The following MAN2A1 variants were observed in gnomAD, a reference collection of about 807,000 sequenced individuals.
The protein encoded by MAN2A1 is mannosidase alpha class 2A member 1, also known as alpha-mannosidase 2.
Under a neutral mutation model 142.6 loss-of-function variants are expected in MAN2A1, and 76 were observed. That is an observed-to-expected ratio of 0.53 (90% CI 0.44 to 0.65). MAN2A1 has a LOEUF of 0.65. Among genes scored for constraint, MAN2A1 ranks in the 30% least tolerant of loss-of-function variants. The pLI is 0.00. For synonymous variants in MAN2A1, 559 were observed against 473.2 expected (o/e 1.18, Z -2.35); for missense variants, 1,311 against 1,365.1 (o/e 0.96, Z 0.62).
rs1033669334 is a variant in MAN2A1 at position 109,756,236 on chromosome 5, A to T, written c.835+780A>T. On this transcript the variant is annotated intron_variant, in intron 5 of 21. Transcript: ENST00000261483. Reference sequence around the variant, plus strand: ...AGTTCAACAGAATAATTCTGTTGCTACAAGAAATGGGAAAAAAGATGCTAG... The same window carrying T: ...AGTTCAACAGAATAATTCTGTTGCTTCAAGAAATGGGAAAAAAGATGCTAG... Among the ~76,000 whole-genome samples the T allele has an allele frequency of 4.6e-5, 7 of 152,168 alleles. No homozygotes were observed. The South Asian group carries it at 1.4e-3, about 31-fold the overall frequency.
In MAN2A1 at chr5:109,823,425, G is replaced by A. The variant is rs1490084974; in HGVS notation, c.2452-298G>A. Among the ~76,000 whole-genome samples the A allele has an allele frequency of 3.9e-5, 6 of 152,266 alleles. No individual in the cohort carries two copies. In the East Asian group the frequency reaches 1.2e-3, roughly 29 times the overall value. ...GTAGAATGATTGCTGTTTCTAATAA[G>A]TAACTATATGGACAAATAGAAGGAT... On this transcript the variant is annotated intron_variant, in intron 15 of 21. Transcript: ENST00000261483.
chr5:109,754,880 A>G (rs1752645452), intron 4 of MAN2A1, among the ~76,000 whole-genome samples: 2 of 152,174 alleles, frequency 1.3e-5, no homozygotes, highest in Admixed American at 1.3e-4. Flanking sequence ...GCATGCCTGT[A>G]ATCCCGGTTA....
At chr5:109,852,141 A>C (rs1755497357) in intron 19 of MAN2A1, among the ~76,000 whole-genome samples, 1 of 99,392 alleles carries the variant, frequency 1.0e-5, no homozygotes. Flanking sequence ...GTTGGCTTAA[A>C]AACAAAAAAA....
intron 18 of MAN2A1, among the ~76,000 whole-genome samples, 192 bp downstream of exon 18, chr5:109,846,198 A>C (rs1755340960): frequency 6.6e-6 from 1 of 152,200 alleles, no homozygotes; most frequent in Non-Finnish European, 1.5e-5. Flanking sequence ...GAATCTCCTA[A>C]ATCTTCAGAT....
At chr5:109,699,030 AC>A in intron 1 of MAN2A1, among the ~76,000 whole-genome samples, 1 of 152,174 alleles carries the variant, frequency 6.6e-6, no homozygotes, top group Non-Finnish European at 1.5e-5. Flanking sequence ...TTAACTCAAT[AC>A]CCCCTACTCT....
chr5:109,714,362 A>T (rs905937023), intron 2 of MAN2A1, among the ~76,000 whole-genome samples: 3 of 152,208 alleles, frequency 2.0e-5, no homozygotes, highest in African/African-American at 7.2e-5. Flanking sequence ...TGTGCAAGAT[A>T]TCTTAATTCA....
intron 1 of MAN2A1, among the ~76,000 whole-genome samples, chr5:109,701,969 G>A (rs1390464370): frequency 6.6e-6 from 1 of 152,202 alleles, no homozygotes; most frequent in East Asian, 1.9e-4. Flanking sequence ...TGAGAGATCA[G>A]GGAAGGGAGA....
At chr5:109,704,565 C>T (rs1751077673) in intron 1 of MAN2A1, among the ~76,000 whole-genome samples, 1 of 152,116 alleles carries the variant, frequency 6.6e-6, no homozygotes. Flanking sequence ...TCTTTTTGGC[C>T]TCAGCACTAC....
chr5:109,716,108 T>C lies in MAN2A1; in HGVS notation c.391-12T>C. ...TTGTTAAACTTTAATTTTTTTTCTTTTACATTTTTAGATGTTGGATGTTTA... is the reference window on the plus strand; with the variant it reads ...TTGTTAAACTTTAATTTTTTTTCTTCTACATTTTTAGATGTTGGATGTTTA... On this transcript the variant is annotated splice_polypyrimidine_tract_variant and intron_variant, in intron 2 of 21. Transcript: ENST00000261483. 1 of 1,573,506 alleles carries C rather than the reference T, an allele frequency of 6.4e-7. No homozygotes were observed. Among genetic ancestry groups the C allele is most frequent in the Non-Finnish European group, 8.6e-7 (1 of 1,159,330 alleles).
chr5:109,797,270 A>C (rs890801866), intron 12 of MAN2A1, among the ~76,000 whole-genome samples: 1 of 152,042 alleles, frequency 6.6e-6, no homozygotes, highest in African/African-American at 2.4e-5. Context: ...TTAAAAAAAG[A>C]GGACCTGGAA....
intron 5 of MAN2A1, among the ~76,000 whole-genome samples, chr5:109,759,095 A>G (rs1172205123): frequency 1.3e-5 from 2 of 152,104 alleles, no homozygotes; most frequent in African/African-American, 4.8e-5. Context: ...ATTTCTGCAA[A>G]AATATCAGCT....
chr5:109,773,461 A>AT (rs553455002), intron 7 of MAN2A1, among the ~76,000 whole-genome samples: 23 of 150,280 alleles, frequency 1.5e-4, no homozygotes, highest in African/African-American at 4.9e-4. Flanking sequence ...ATTTTTACTC[A>AT]TTTTTTTTTG....
intron 12 of MAN2A1, among the ~76,000 whole-genome samples, chr5:109,793,245 C>T (rs1753780113): frequency 6.6e-6 from 1 of 152,236 alleles, no homozygotes; most frequent in Non-Finnish European, 1.5e-5. Context: ...CTACCTAGAT[C>T]AGGCCAAAAT....
Position 109,819,871 on chromosome 5 carries a change from A to G in MAN2A1, c.2312A>G (p.Gln771Arg). The change falls in exon 14 of 22, where the codon CAA becomes CGA. Residue 771 changes from glutamine to arginine, a missense_variant. Transcript: ENST00000261483. ...TCCTTTGTTTTACTTCGGTTTGATC[A>G]AACTGGACTTATGAAGGTATGTTCT... ...ENSFVLLRFDQTGLMKQMMTK... is the reference protein window; with the variant it reads ...ENSFVLLRFDRTGLMKQMMTK... 6.3e-7 allele frequency: 1 copy of G among 1,590,234 alleles called. No individual in the cohort carries two copies. Among genetic ancestry groups the G allele is most frequent in the Non-Finnish European group, 8.6e-7 (1 of 1,169,064 alleles).
Position 109,799,252 on chromosome 5 carries a change from A to G in MAN2A1, c.1943+9725A>G, listed in dbSNP as rs771716231. On this transcript the variant is annotated intron_variant, in intron 12 of 21. Coordinates refer to ENST00000261483, the MANE Select transcript of MAN2A1 (RefSeq NM_002372.4). ...AAACCCTTCTTTTTTCCATTACCCT[A>G]AGGATAAACTCTAGACTCTTTAACG... 2.0e-5 allele frequency among the ~76,000 whole-genome samples: 3 copies of G among 152,144 alleles called. No homozygotes were observed. In the East Asian group the frequency reaches 5.8e-4, roughly 29 times the overall value.
chr5:109,763,101 T>G (rs1439012839), intron 5 of MAN2A1, among the ~76,000 whole-genome samples: 1 of 152,206 alleles, frequency 6.6e-6, no homozygotes, highest in Non-Finnish European at 1.5e-5. Flanking sequence ...ATCAGATTGC[T>G]TCAAATCTCC....
intron 12 of MAN2A1, among the ~76,000 whole-genome samples, chr5:109,794,412 A>G (rs991792482): frequency 2.6e-5 from 4 of 152,146 alleles, no homozygotes; most frequent in African/African-American, 9.7e-5. Context: ...GTATATAGAA[A>G]TGTCTTTCCA....
At chr5:109,837,603 C>G (rs1398876269) in intron 16 of MAN2A1, among the ~76,000 whole-genome samples, 1 of 152,146 alleles carries the variant, frequency 6.6e-6, no homozygotes, top group Non-Finnish European at 1.5e-5. Context: ...ATATGTAAAG[C>G]TTGTAGTAAA....
intron 12 of MAN2A1, among the ~76,000 whole-genome samples, chr5:109,795,443 A>C (rs116776920): frequency 6.6e-6 from 1 of 152,286 alleles, no homozygotes; most frequent in African/African-American, 2.4e-5. Flanking sequence ...ACTAGAGACC[A>C]TGAGACTGAC....
Sources: allele counts gnomAD v4.1 joint callset (sites outside exome capture counted in the v4.1 genomes callset), GRCh38; gene constraint gnomAD v4.1.1; transcripts MANE v1.5; gene names NCBI Gene and HGNC (gene_info 2026-07-23, HGNC 2026-07-21).